The following POU6F2 variants were observed in gnomAD, a reference collection of about 807,000 sequenced individuals.
The protein encoded by POU6F2 is POU class 6 homeobox 2.
Under a neutral mutation model 71.3 loss-of-function variants are expected in POU6F2, and 31 were observed. That is an observed-to-expected ratio of 0.43 (90% CI 0.33 to 0.59). The LOEUF is 0.59. POU6F2 is among the 20% of genes least tolerant of loss of function. POU6F2 has a pLI of 0.04. For missense variants in POU6F2, 783 were observed against 856.8 expected, an observed-to-expected ratio of 0.91 and a Z score of 1.07; for synonymous variants, 347 against 355.7, an observed-to-expected ratio of 0.98 and a Z score of 0.27.
At chr7:38,998,808 C>A (rs1788814075) in intron 1 of POU6F2, among the ~76,000 whole-genome samples, 1 of 147,462 alleles carries the variant, frequency 6.8e-6, no homozygotes, top group Admixed American at 6.8e-5. Context: ...TGCCACCACA[C>A]CCGGCTAATT....
intron 4 of POU6F2, among the ~76,000 whole-genome samples, chr7:39,218,903 T>G (rs1478113472): frequency 1.3e-5 from 2 of 152,034 alleles, no homozygotes; most frequent in Admixed American, 1.3e-4. Context: ...AGAAAAAGAT[T>G]TATACTAGAG....
chr7:39,406,569 G>T, intron 5 of POU6F2, 31 bp from the exon 6 acceptor site: 1 of 1,608,220 alleles, frequency 6.2e-7, no homozygotes, highest in Non-Finnish European at 8.5e-7. Flanking sequence ...CCTCTCGGTG[G>T]TTTTCACGGT....
chr7:39,257,570 A>C (rs1367573091), intron 4 of POU6F2, among the ~76,000 whole-genome samples: 1 of 152,130 alleles, frequency 6.6e-6, no homozygotes, highest in Non-Finnish European at 1.5e-5. Context: ...TGGGTGTCAA[A>C]GGCACAAACT....
intron 1 of POU6F2, among the ~76,000 whole-genome samples, chr7:38,978,554 A>G (rs1788236299): frequency 2.6e-5 from 4 of 152,160 alleles, no homozygotes; most frequent in Admixed American, 2.6e-4. Context: ...TTGACTTCTA[A>G]CCCAGATAAT....
At chr7:39,042,721 T>C (rs1308249047) in intron 1 of POU6F2, among the ~76,000 whole-genome samples, 1 of 151,998 alleles carries the variant, frequency 6.6e-6, no homozygotes, top group Non-Finnish European at 1.5e-5. Flanking sequence ...TACCTTGCAC[T>C]GTCAATCTCC....
At chr7:39,199,803 T>C (rs985131018) in intron 2 of POU6F2, among the ~76,000 whole-genome samples, 3 of 152,164 alleles carry the variant, frequency 2.0e-5, no homozygotes, top group Non-Finnish European at 4.4e-5. Flanking sequence ...TTATAACAAT[T>C]AATAATAAGT....
intron 2 of POU6F2, among the ~76,000 whole-genome samples, chr7:39,201,056 T>G (rs1438118773): frequency 6.6e-6 from 1 of 152,050 alleles, no homozygotes; most frequent in African/African-American, 2.4e-5. Context: ...TTAAATATTT[T>G]CATTAAATAA....
chr7:39,344,482 A>C (rs578072793), intron 5 of POU6F2, among the ~76,000 whole-genome samples: 1 of 152,264 alleles, frequency 6.6e-6, no homozygotes, highest in South Asian at 2.1e-4. Flanking sequence ...CTAAGTTCCA[A>C]AGTGCATACA....
At chr7:39,330,434 G>A (rs142907694) in intron 4 of POU6F2, among the ~76,000 whole-genome samples, 67 of 152,156 alleles carry the variant, frequency 4.4e-4, no homozygotes, top group African/African-American at 1.6e-3. Context: ...TCCCTTCCAC[G>A]TGGTCAAGGA....
intron 1 of POU6F2, among the ~76,000 whole-genome samples, chr7:39,006,395 C>T (rs985180546): frequency 1.3e-5 from 2 of 151,788 alleles, no homozygotes; most frequent in Admixed American, 6.6e-5. Context: ...ACCTGGGAGG[C>T]GGAGGTTGCA....
chr7:39,392,996 C>T (rs1787105522), intron 5 of POU6F2, among the ~76,000 whole-genome samples: 1 of 152,184 alleles, frequency 6.6e-6, no homozygotes, highest in South Asian at 2.1e-4. Context: ...CACAGCCTTG[C>T]TTTTGCTCTT....
intron 2 of POU6F2, among the ~76,000 whole-genome samples, chr7:39,096,636 G>A (rs1324340692): frequency 6.6e-6 from 1 of 152,060 alleles, no homozygotes; most frequent in Non-Finnish European, 1.5e-5. Flanking sequence ...TCATGCACAA[G>A]TACAAAAATC....
At chr7:39,144,731 T>C (rs916455360) in intron 2 of POU6F2, among the ~76,000 whole-genome samples, 14 of 152,242 alleles carry the variant, frequency 9.2e-5, no homozygotes, top group African/African-American at 2.7e-4. Context: ...TTACTTTTTA[T>C]GTGAAAGATC....
At chr7:39,233,865 T>C (rs1332060378) in intron 4 of POU6F2, among the ~76,000 whole-genome samples, 3 of 152,216 alleles carry the variant, frequency 2.0e-5, no homozygotes, top group Non-Finnish European at 4.4e-5. Context: ...CCTCCTCTTG[T>C]GTTTTCCGGG....
At chr7:39,419,533 C>G (rs540946474) in intron 6 of POU6F2, among the ~76,000 whole-genome samples, 2 of 152,204 alleles carry the variant, frequency 1.3e-5, no homozygotes, top group Admixed American at 6.5e-5. Flanking sequence ...AGCCACCATG[C>G]CTGGCCTAAA....
At chr7:39,111,607 T>C (rs1048996538) in intron 2 of POU6F2, among the ~76,000 whole-genome samples, 3 of 151,824 alleles carry the variant, frequency 2.0e-5, no homozygotes, top group Non-Finnish European at 4.4e-5. Context: ...ACATTAGATA[T>C]AGGTACAGAT....
intron 2 of POU6F2, among the ~76,000 whole-genome samples, chr7:39,166,555 C>A (rs1793119804): frequency 6.6e-6 from 1 of 152,102 alleles, no homozygotes; most frequent in African/African-American, 2.4e-5. Flanking sequence ...TTGACAAAGC[C>A]CAAGTGTCAG....
intron 1 of POU6F2, among the ~76,000 whole-genome samples, chr7:39,012,368 G>C (rs1250337352): frequency 5.3e-5 from 8 of 151,470 alleles, no homozygotes; most frequent in Non-Finnish European, 1.0e-4. Flanking sequence ...TTGGTTTTCA[G>C]CTCCATCAGC....
At chr7:39,038,524 A>T (rs577879798) in intron 1 of POU6F2, among the ~76,000 whole-genome samples, 26 of 152,076 alleles carry the variant, frequency 1.7e-4, no homozygotes, top group African/African-American at 5.5e-4. Flanking sequence ...TACAAACAGC[A>T]CTCAGATCTC....
Sources: allele counts gnomAD v4.1 joint callset (sites outside exome capture counted in the v4.1 genomes callset), GRCh38; gene constraint gnomAD v4.1.1; transcripts MANE v1.5; gene names NCBI Gene and HGNC (gene_info 2026-07-23, HGNC 2026-07-21).